C2CD4A: variants seen among roughly 807,000 people sequenced by gnomAD.
The protein encoded by C2CD4A is C2 calcium dependent domain containing 4A, also known as C2 calcium-dependent domain-containing protein 4A.
Under a neutral mutation model 0.4 loss-of-function variants are expected in C2CD4A, and 2 were observed. The observed-to-expected ratio is 4.45, with a 90% confidence interval of 1.82 to 13.99. The LOEUF (loss-of-function observed/expected upper bound fraction) is 13.99. Among genes scored for constraint, C2CD4A ranks in the 30% most tolerant of loss-of-function variants. The probability of loss-of-function intolerance (pLI) is 0.04; values close to 1 mark genes in which losing one functional copy is unlikely to be tolerated. For synonymous variants in C2CD4A, 297 were observed against 280.8 expected, an observed-to-expected ratio of 1.06 and a Z score of -0.58; for missense variants, 610 against 574.2, an observed-to-expected ratio of 1.06 and a Z score of -0.64.
chr15:62,067,131 G>A (rs915406338), intron 1 of C2CD4A, 43 bp downstream of exon 1: 1 of 154,076 alleles, frequency 6.5e-6, no homozygotes, highest in African/African-American at 2.4e-5. Flanking sequence ...TTCCCTGGGG[G>A]ATTCGTCTGA....
At position 62,068,796 on chromosome 15, in the gene C2CD4A, G is replaced by T; in HGVS notation, c.*73G>T. The T allele has an allele frequency of 7.1e-7, 1 of 1,416,016 alleles. No individual in the cohort carries two copies. Among genetic ancestry groups the T allele is most frequent in the Non-Finnish European group, 9.3e-7 (1 of 1,079,162 alleles). The allele number at this position is 1,416,016 out of a possible 1,614,324, so 87.7% of individuals were successfully genotyped here. ...GACAGCCGCGTGGTACAAAATAAACGTGTATTTGTTGTTCTTATCAGTCCC... is the reference window on the plus strand; with the variant it reads ...GACAGCCGCGTGGTACAAAATAAACTTGTATTTGTTGTTCTTATCAGTCCC... On this transcript the variant is annotated 3_prime_UTR_variant, in exon 2 of 2. Coordinates refer to ENST00000355522, the MANE Select transcript of C2CD4A (RefSeq NM_207322.3).
Position 62,068,083 on chromosome 15 carries a change from C to T in C2CD4A, c.470C>T (p.Ala157Val), listed in dbSNP as rs1224868652. ...TLRVPRAPGP[A>V]TPAAPGCPRP... ...CGCGTCCCGCGAGCTCCGGGCCCGG[C>T]GACCCCCGCGGCCCCCGGCTGTCCC... is the stretch of plus-strand genomic sequence containing the variant. Residue 157 changes from alanine (A) to valine (V), a missense_variant, in exon 2 of 2, where the codon GCG (alanine) becomes GTG (valine). Physicochemically the swap from Ala to Val is moderately conservative, Grantham distance 64. Coordinates refer to ENST00000355522, the MANE Select transcript of C2CD4A (RefSeq NM_207322.3). 1 of 1,127,264 alleles carries T rather than the reference C, an allele frequency of 8.9e-7. No homozygotes were observed. Among genetic ancestry groups the T allele is most frequent in the Non-Finnish European group, 1.1e-6 (1 of 923,842 alleles). 69.8% of individuals were successfully genotyped at this position (1,127,264 alleles called of 1,614,324 possible).
Position 62,068,068 on chromosome 15 carries a change from G to A in C2CD4A, c.455G>A (p.Arg152Gln). The change falls in exon 2 of 2, where the codon CGA (arginine) becomes CAA (glutamine). Residue 152 changes from arginine (R) to glutamine (Q), a missense_variant. Physicochemically the swap from Arg to Gln is conservative, Grantham distance 43. Coordinates refer to ENST00000355522, the MANE Select transcript of C2CD4A (RefSeq NM_207322.3). The stretch of plus-strand genomic sequence containing the variant: ...CTCCTGGGGACCCTGCGCGTCCCGC[G>A]AGCTCCGGGCCCGGCGACCCCCGCG... ...DALLGTLRVPRAPGPATPAAP... is the reference protein window; with the variant it reads ...DALLGTLRVPQAPGPATPAAP... 8.6e-7 allele frequency: 1 copy of A among 1,164,916 alleles called. No individual in the cohort carries two copies. 72.2% of individuals were successfully genotyped at this position (1,164,916 alleles called of 1,614,324 possible).
Position 62,068,915 on chromosome 15 carries a change from C to G in C2CD4A, c.*192C>G. On this transcript the variant is annotated 3_prime_UTR_variant, in exon 2 of 2. Coordinates refer to ENST00000355522, the MANE Select transcript of C2CD4A (RefSeq NM_207322.3). ...TAGATACCTCCAGAATTTTTTTCAG[C>G]AAATGGAATGGTTCTACAGTGTTTC... 5.2e-6 allele frequency: 4 copies of G among 771,924 alleles called. No individual in the cohort carries two copies. The highest frequency in any genetic ancestry group is 5.8e-6 in the Non-Finnish European group (3 of 520,820). The allele number at this position is 771,924 out of a possible 1,614,324, so 47.8% of individuals were successfully genotyped here. A position where few individuals can be genotyped will look rare whatever the true frequency, so the allele number is the denominator to read the frequency against.
At chr15:62,067,373 A>G (rs1470131188) in intron 1 of C2CD4A, among the ~76,000 whole-genome samples, 1 of 152,220 alleles carries the variant, frequency 6.6e-6, no homozygotes, top group Non-Finnish European at 1.5e-5. Context: ...CGAAGTGTGT[A>G]TTACAACACA....
At chr15:62,067,449 C>T in intron 1 of C2CD4A, 136 bp from the exon 2 acceptor site, 1 of 696,648 alleles carries the variant, frequency 1.4e-6, no homozygotes, top group Non-Finnish European at 2.3e-6. Context: ...GCAATAGCGG[C>T]AAGCAAGAGC....
chr15:62,067,678 T>C lies in C2CD4A; in HGVS notation c.65T>C (p.Leu22Pro). The change falls in exon 2 of 2, where the codon CTC becomes CCC. Residue 22 changes from leucine (L) to proline (P), a missense_variant. By Grantham distance (98) the Leu-to-Pro change is moderately conservative. Coordinates refer to ENST00000355522, the MANE Select transcript of C2CD4A (RefSeq NM_207322.3). ...ECLRRSGDWL[L>P]PGRARGAKSR... ...CTTCGGCGGAGCGGAGACTGGCTTC[T>C]CCCGGGTCGGGCCCGCGGAGCCAAG... The C allele has an allele frequency of 6.2e-7, 1 of 1,607,686 alleles. No homozygotes were observed. The highest frequency in any genetic ancestry group is 8.5e-7 in the Non-Finnish European group (1 of 1,179,740).
chr15:62,067,685 T>G lies in C2CD4A; in HGVS notation c.72T>G (p.Gly24=). The change falls in exon 2 of 2, where the codon GGT becomes GGG. Residue 24 remains glycine (G), a synonymous_variant. Coordinates refer to ENST00000355522, the MANE Select transcript of C2CD4A (RefSeq NM_207322.3). The part of the protein sequence containing the change: ...LRRSGDWLLP[G]RARGAKSRTT... Reference sequence around the variant, plus strand: ...GGAGCGGAGACTGGCTTCTCCCGGGTCGGGCCCGCGGAGCCAAGTCTCGCA... The same window carrying G: ...GGAGCGGAGACTGGCTTCTCCCGGGGCGGGCCCGCGGAGCCAAGTCTCGCA... 4 of 1,607,528 alleles carry G rather than the reference T, an allele frequency of 2.5e-6. No individual in the cohort carries two copies. Among genetic ancestry groups the G allele is most frequent in the Non-Finnish European group, 3.4e-6 (4 of 1,179,738 alleles).
rs761298725 is a variant in C2CD4A, at chr15:62,067,609, G to A, written c.-5G>A. 8 of 1,581,702 alleles carry A rather than the reference G, an allele frequency of 5.1e-6. No homozygotes were observed. In the Admixed American group the frequency reaches 1.2e-4, roughly 23 times the overall value. ...GGTAGACAAGCTCCAGCAGAGAGTGGCCAGATGTGGTGCCTGGAGCGACTC... is the reference window on the plus strand; with the variant it reads ...GGTAGACAAGCTCCAGCAGAGAGTGACCAGATGTGGTGCCTGGAGCGACTC... On this transcript the variant is annotated 5_prime_UTR_variant, in exon 2 of 2. Transcript: ENST00000355522.
rs1487686973 is a variant in C2CD4A, at chr15:62,069,570, G to A, written c.*847G>A. ...GCACTCCAACCTGGGCAACCGGAGT[G>A]AGACCCTGTCTGCAAATAATAATAA... On this transcript the variant is annotated 3_prime_UTR_variant, in exon 2 of 2. Coordinates refer to ENST00000355522, the MANE Select transcript of C2CD4A (RefSeq NM_207322.3). 6.4e-6 allele frequency: 1 copy of A among 156,834 alleles called. No homozygotes were observed. Among genetic ancestry groups the A allele is most frequent in the African/African-American group, 2.5e-5 (1 of 40,230 alleles). 9.7% of individuals were successfully genotyped at this position (156,834 alleles called of 1,614,324 possible).
Position 62,068,691 on chromosome 15 carries a change from G to T in C2CD4A, c.1078G>T (p.Glu360Ter). 2 of 1,537,140 alleles carry T rather than the reference G, an allele frequency of 1.3e-6. No homozygotes were observed. The highest frequency in any genetic ancestry group is 1.2e-5 in the South Asian group (1 of 82,584). Residue 360 changes from glutamate to a stop codon, truncating the protein, a stop_gained, in exon 2 of 2, where the codon GAG (glutamate) becomes TAG (stop). Transcript: ENST00000355522. LOFTEE classifies it high-confidence loss of function. ...GCGGGGCCGCCTGCTGGGCCAGGGT[G>T]AGCTGTCCCTGGGCGCCCTCCTGCT... ...RERGRLLGQG[E>*]LSLGALLLL
At position 62,070,287 on chromosome 15, in the gene C2CD4A, G is replaced by A. The variant is rs1169041045; in HGVS notation, c.*1564G>A. 1 of 412,890 alleles carries A rather than the reference G, an allele frequency of 2.4e-6. No individual in the cohort carries two copies. The highest frequency in any genetic ancestry group is 2.1e-5 in the African/African-American group (1 of 48,590). 25.6% of individuals were successfully genotyped at this position (412,890 alleles called of 1,614,324 possible). Reference sequence around the variant, plus strand: ...CCATTATCAATCTGGATTCAGAAATGGTTTCTGCTTTATTTTATTTCATTT... The same window carrying A: ...CCATTATCAATCTGGATTCAGAAATAGTTTCTGCTTTATTTTATTTCATTT... On this transcript the variant is annotated 3_prime_UTR_variant, in exon 2 of 2. Coordinates refer to ENST00000355522, the MANE Select transcript of C2CD4A (RefSeq NM_207322.3).
In C2CD4A at chr15:62,068,331, G is replaced by T; in HGVS notation, c.718G>T (p.Glu240Ter). 1 of 1,414,418 alleles carries T rather than the reference G, an allele frequency of 7.1e-7. No individual in the cohort carries two copies. Among genetic ancestry groups the T allele is most frequent in the Non-Finnish European group, 9.2e-7 (1 of 1,085,028 alleles). 87.6% of individuals were successfully genotyped at this position (1,414,418 alleles called of 1,614,324 possible). ...GCCGTCGTCCCGGGTCCCGTTTCCC[G>T]AGCGCCTGGAGGCCGAGGGCACCGT... Reference protein sequence around the residue: ...SPPSSRVPFPERLEAEGTVAL... With the variant: ...SPPSSRVPFP Residue 240 changes from glutamate (E) to a stop codon, truncating the protein, a stop_gained, in exon 2 of 2, where the codon GAG (glutamate) becomes TAG (stop). Transcript: ENST00000355522. LOFTEE classifies it low-confidence loss of function (END_TRUNC).
chr15:62,068,632 G>T lies in C2CD4A; in HGVS notation c.1019G>T (p.Arg340Leu). 1 of 1,556,260 alleles carries T rather than the reference G, an allele frequency of 6.4e-7. No individual in the cohort carries two copies. Among genetic ancestry groups the T allele is most frequent in the South Asian group, 1.2e-5 (1 of 84,560 alleles). Residue 340 changes from arginine to leucine, a missense_variant, in exon 2 of 2, where the codon CGA becomes CTA. Physicochemically the swap from Arg to Leu is moderately radical, Grantham distance 102. Transcript: ENST00000355522. ...GACGAAGTGCGCCGCCTGGCCGTTC[G>T]AGTCAAGGCCCGGGACGAGGGCCGC... is the stretch of plus-strand genomic sequence containing the variant. ...SEDEVRRLAV[R>L]VKARDEGRGR...
Position 62,068,377 on chromosome 15 carries a change from A to G in C2CD4A, c.764A>G (p.Asp255Gly). ...EGTVALGRAG[D>G]ALRLAAEYCP... ...ACCGTGGCTCTGGGCCGCGCCGGCG[A>G]CGCCCTGCGCCTGGCCGCCGAGTAC... The change falls in exon 2 of 2, where the codon GAC (aspartate) becomes GGC (glycine). Residue 255 changes from aspartate (D) to glycine (G), a missense_variant. By Grantham distance (94) the Asp-to-Gly change is moderately conservative (BLOSUM62 -1). Coordinates refer to ENST00000355522, the MANE Select transcript of C2CD4A (RefSeq NM_207322.3). 4 of 1,361,156 alleles carry G rather than the reference A, an allele frequency of 2.9e-6. No homozygotes were observed. Among genetic ancestry groups the G allele is most frequent in the Non-Finnish European group, 3.8e-6 (4 of 1,062,524 alleles). 84.3% of individuals were successfully genotyped at this position (1,361,156 alleles called of 1,614,324 possible).
rs2140848122 is a variant in C2CD4A, at chr15:62,070,247, G to C, written c.*1524G>C. The C allele has an allele frequency of 4.8e-6, 2 of 413,090 alleles. No homozygotes were observed. The highest frequency in any genetic ancestry group is 3.6e-5 in the East Asian group (1 of 28,086). The allele number at this position is 413,090 out of a possible 1,614,324, so 25.6% of individuals were successfully genotyped here. On this transcript the variant is annotated 3_prime_UTR_variant, in exon 2 of 2. Coordinates refer to ENST00000355522, the MANE Select transcript of C2CD4A (RefSeq NM_207322.3). ...TGAAAATATTTAAATATACAGGATG[G>C]TGTTAAATATGACTCCATTATCAAT...
rs2140847635 is a variant in C2CD4A, at chr15:62,069,253, G to A, written c.*530G>A. The A allele has an allele frequency of 6.0e-6, 1 of 167,548 alleles. No individual in the cohort carries two copies. The highest frequency in any genetic ancestry group is 1.5e-5 in the Non-Finnish European group (1 of 68,366). 10.4% of individuals were successfully genotyped at this position (167,548 alleles called of 1,614,324 possible). A position where few individuals can be genotyped will look rare whatever the true frequency, so the allele number is the denominator to read the frequency against. ...TATATCTCACTGGAAAAGCATTGGA[G>A]AAAATGAAACCATTTTAATATTCTA... On this transcript the variant is annotated 3_prime_UTR_variant, in exon 2 of 2. Coordinates refer to ENST00000355522, the MANE Select transcript of C2CD4A (RefSeq NM_207322.3).
rs559979711 is a variant in C2CD4A at position 62,068,981 on chromosome 15, C to G, written c.*258C>G. The G allele has an allele frequency of 1.0e-4, 43 of 414,428 alleles. No homozygotes were observed. Among genetic ancestry groups the G allele is most frequent in the African/African-American group, 7.2e-4 (35 of 48,558 alleles). The allele number at this position is 414,428 out of a possible 1,614,324, so 25.7% of individuals were successfully genotyped here. A position where few individuals can be genotyped will look rare whatever the true frequency, so the allele number is the denominator to read the frequency against. Reference sequence around the variant, plus strand: ...ATTTGCATACCATATGTACCACACACGCCTAGGAAATAATGAATCACATGA... The same window carrying G: ...ATTTGCATACCATATGTACCACACAGGCCTAGGAAATAATGAATCACATGA... On this transcript the variant is annotated 3_prime_UTR_variant, in exon 2 of 2. Coordinates refer to ENST00000355522, the MANE Select transcript of C2CD4A (RefSeq NM_207322.3).
At position 62,068,476 on chromosome 15, in the gene C2CD4A, G is replaced by T. The variant is rs1307825563; in HGVS notation, c.863G>T (p.Arg288Leu). ...CCGGCCGGAGGCGCCCCCGGGCCCC[G>T]AGCCGTCAGCTGTCGCCTCAGCCTC... ...ESPAGGAPGP[R>L]AVSCRLSLVL... Residue 288 changes from arginine (R) to leucine (L), a missense_variant, in exon 2 of 2, where the codon CGA becomes CTA. Physicochemically the swap from Arg to Leu is moderately radical, Grantham distance 102. Coordinates refer to ENST00000355522, the MANE Select transcript of C2CD4A (RefSeq NM_207322.3). 12 of 1,462,782 alleles carry T rather than the reference G, an allele frequency of 8.2e-6. No homozygotes were observed. The African/African-American group carries it at 1.6e-4, about 20-fold the overall frequency. The allele number at this position is 1,462,782 out of a possible 1,614,324, so 90.6% of individuals were successfully genotyped here. A position where few individuals can be genotyped will look rare whatever the true frequency, so the allele number is the denominator to read the frequency against.
Sources: gnomAD v4.1 joint callset for allele counts (sites outside exome capture counted in the v4.1 genomes callset) on GRCh38, gnomAD v4.1.1 for gene constraint, MANE v1.5 for transcripts, NCBI Gene and HGNC (gene_info 2026-07-23, HGNC 2026-07-21) for gene names.